The following PRKAG2 variants were observed in gnomAD, a reference collection of about 807,000 sequenced individuals.
PRKAG2 encodes protein kinase AMP-activated non-catalytic subunit gamma 2.
PRKAG2 carries 26 observed loss-of-function variants against 69.6 expected under a neutral mutation model. The observed-to-expected ratio is 0.37, with a 90% CI of 0.27 to 0.52. The LOEUF is 0.52. PRKAG2 is among the 20% of genes least tolerant of loss of function. The pLI is 0.90. For synonymous variants in PRKAG2, 293 were observed against 285.0 expected (o/e 1.03, Z -0.28); for missense variants, 557 against 740.0 (o/e 0.75, Z 2.87).
At chr7:151,672,849 G>T (rs1186257172) in intron 4 of PRKAG2, among the ~76,000 whole-genome samples, 4 of 152,066 alleles carry the variant, frequency 2.6e-5, no homozygotes, top group Admixed American at 2.6e-4. Flanking sequence ...CACAGGGCAC[G>T]TGCTCTGGGT....
intron 3 of PRKAG2, among the ~76,000 whole-genome samples, chr7:151,743,112 T>TAA (rs1458286123): frequency 6.6e-6 from 1 of 152,176 alleles, no homozygotes; most frequent in African/African-American, 2.4e-5. Context: ...GTGACCCTGC[T>TAA]CAGAGTTCCT....
chr7:151,609,525 C>T (rs1408905936), intron 5 of PRKAG2, among the ~76,000 whole-genome samples: 1 of 152,150 alleles, frequency 6.6e-6, no homozygotes, highest in Non-Finnish European at 1.5e-5. Flanking sequence ...TCAACGTGTC[C>T]TATTTATAAA....
At chr7:151,698,999 C>A in intron 3 of PRKAG2, among the ~76,000 whole-genome samples, 1 of 152,176 alleles carries the variant, frequency 6.6e-6, no homozygotes, top group South Asian at 2.1e-4. Flanking sequence ...CTTCTCGCTA[C>A]AGTGTAAATG....
At chr7:151,610,262 G>A (rs1167980695) in intron 5 of PRKAG2, among the ~76,000 whole-genome samples, 1 of 152,158 alleles carries the variant, frequency 6.6e-6, no homozygotes, top group Non-Finnish European at 1.5e-5. Context: ...CCAGCTACTT[G>A]GGAGACTGAG....
intron 3 of PRKAG2, among the ~76,000 whole-genome samples, chr7:151,740,571 C>A (rs1373088672): frequency 6.6e-6 from 1 of 152,196 alleles, no homozygotes; most frequent in Non-Finnish European, 1.5e-5. Context: ...ATACGGGGAT[C>A]AGATATTTGT....
chr7:151,760,929 G>A (rs140804848), intron 3 of PRKAG2, among the ~76,000 whole-genome samples: 27 of 152,288 alleles, frequency 1.8e-4, no homozygotes, highest in African/African-American at 3.4e-4. Context: ...GGATGGCTTC[G>A]TGGCATGAAC....
chr7:151,729,047 T>G (rs1798471030), intron 3 of PRKAG2, among the ~76,000 whole-genome samples: 1 of 151,998 alleles, frequency 6.6e-6, no homozygotes, highest in African/African-American at 2.4e-5. Context: ...GAGCAGCACC[T>G]CTGGGAGAGC....
intron 3 of PRKAG2, among the ~76,000 whole-genome samples, chr7:151,708,458 T>C (rs988689172): frequency 6.6e-6 from 1 of 152,158 alleles, no homozygotes; most frequent in Non-Finnish European, 1.5e-5. Flanking sequence ...TGTACCAGTA[T>C]CTTCTATGCA....
At chr7:151,840,200 A>G (rs556333742) in intron 1 of PRKAG2, among the ~76,000 whole-genome samples, 30 of 152,190 alleles carry the variant, frequency 2.0e-4, no homozygotes, top group Non-Finnish European at 3.7e-4. Context: ...AGCTGGTGAC[A>G]GTAGGGAGGC....
intron 4 of PRKAG2, among the ~76,000 whole-genome samples, chr7:151,649,120 ATT>A (rs1828045168): frequency 6.6e-6 from 1 of 151,712 alleles, no homozygotes; most frequent in Admixed American, 6.6e-5. Flanking sequence ...TGATTATTTT[ATT>A]TTATTTTATT....
At chr7:151,716,463 A>T (rs1240840294) in intron 3 of PRKAG2, among the ~76,000 whole-genome samples, 8 of 152,300 alleles carry the variant, frequency 5.3e-5, no homozygotes, top group East Asian at 1.9e-4. Context: ...TTGTCCAGGC[A>T]GGGCTTGGAT....
intron 1 of PRKAG2, among the ~76,000 whole-genome samples, chr7:151,854,100 T>C (rs2079646425): frequency 1.3e-5 from 2 of 152,220 alleles, no homozygotes; most frequent in Non-Finnish European, 2.9e-5. Context: ...GCCCTTGCTC[T>C]GCAGTGCCAG....
chr7:151,814,462 G>C lies in PRKAG2; in HGVS notation c.115-27921C>G. On this transcript the variant is annotated intron_variant, in intron 1 of 15. Transcript: ENST00000287878. This position sits in a 1 kb window ranked among gnomAD's most constrained non-coding sequence, Gnocchi z 4.8. Reference sequence around the variant, plus strand: ...GGTCTTCTCTTCCAGATGCTAATAAGCAGTGCAGGCTTGTAAGCTGCTGGA... The same window carrying C: ...GGTCTTCTCTTCCAGATGCTAATAACCAGTGCAGGCTTGTAAGCTGCTGGA... 1 of 1,230,388 alleles carries C rather than the reference G, an allele frequency of 8.1e-7. No homozygotes were observed. Among genetic ancestry groups the C allele is most frequent in the Non-Finnish European group, 1.0e-6 (1 of 987,680 alleles). 76.2% of individuals were successfully genotyped at this position (1,230,388 alleles called of 1,614,324 possible). A position where few individuals can be genotyped will look rare whatever the true frequency, so the allele number is the denominator to read the frequency against.
At chr7:151,631,625 A>G (rs1328343909) in intron 5 of PRKAG2, 1 of 454,220 alleles carries the variant, frequency 2.2e-6, no homozygotes, top group Non-Finnish European at 4.4e-6. Context: ...TTAAAAAAGA[A>G]GACACACCCT....
At chr7:151,796,700 T>C (rs889558692) in intron 1 of PRKAG2, among the ~76,000 whole-genome samples, 8 of 152,142 alleles carry the variant, frequency 5.3e-5, no homozygotes, top group Admixed American at 2.6e-4. Flanking sequence ...CTGGATTCCA[T>C]GAGCCTCTGT....
At chr7:151,574,765 T>A in intron 8 of PRKAG2, 126 bp downstream of exon 8, 1 of 1,358,308 alleles carries the variant, frequency 7.4e-7, no homozygotes, top group Non-Finnish European at 9.9e-7. Context: ...AAAATCACCA[T>A]CAGCACACCA....
At chr7:151,747,451 G>A (rs957145720) in intron 3 of PRKAG2, among the ~76,000 whole-genome samples, 2 of 152,184 alleles carry the variant, frequency 1.3e-5, no homozygotes, top group African/African-American at 4.8e-5. Context: ...CAGTTACTCA[G>A]GAGGCTGAGG....
Position 151,557,199 on chromosome 7 carries a change from G to T in PRKAG2, c.*2C>A. ...CTCCTAGGGCGTCTACATTCACGGC[G>T]GTCACTCCGTTTCTGTCTCCTTTTG... On this transcript the variant is annotated 3_prime_UTR_variant, in exon 16 of 16. Coordinates refer to ENST00000287878, the MANE Select transcript of PRKAG2 (RefSeq NM_016203.4). 1 of 1,614,090 alleles carries T rather than the reference G, an allele frequency of 6.2e-7. No homozygotes were observed. Among genetic ancestry groups the T allele is most frequent in the Non-Finnish European group, 8.5e-7 (1 of 1,180,012 alleles).
At chr7:151,631,813 C>A (rs1166120793) in intron 5 of PRKAG2, 1 of 495,220 alleles carries the variant, frequency 2.0e-6, no homozygotes, top group African/African-American at 2.0e-5. Context: ...GCCGCCCGTC[C>A]GTGTGGATGC....
Sources: gnomAD v4.1 joint callset for allele counts (sites outside exome capture counted in the v4.1 genomes callset) on GRCh38, gnomAD v4.1.1 for gene constraint, Gnocchi (gnomAD v3.1) non-coding constraint, MANE v1.5 for transcripts, NCBI Gene and HGNC (gene_info 2026-07-23, HGNC 2026-07-21) for gene names.